Variants in BCAS3 observed in about 807,000 individuals in gnomAD.
The protein encoded by BCAS3 is BCAS4/BCAS3 fusion.
In BCAS3, 53 loss-of-function variants were observed where a neutral mutation model predicts 116.1. The ratio of observed to expected loss-of-function variants is 0.46; its 90% CI spans 0.37 to 0.57. The LOEUF (loss-of-function observed/expected upper bound fraction) is 0.57. Among genes scored for constraint, BCAS3 ranks in the 20% least tolerant of loss-of-function variants. The pLI is 0.00. For missense variants in BCAS3, 917 were observed against 1,165.4 expected (o/e 0.79, Z 3.10); for synonymous variants, 391 against 408.2 (o/e 0.96, Z 0.51).
At chr17:60,742,894 A>C in intron 5 of BCAS3, among the ~76,000 whole-genome samples, 1 of 151,806 alleles carries the variant, frequency 6.6e-6, no homozygotes, top group East Asian at 2.0e-4. Context: ...TGGGCAGATC[A>C]TGAGGTCAGG....
chr17:61,022,877 C>G (rs2065977178), intron 16 of BCAS3, among the ~76,000 whole-genome samples: 2 of 152,130 alleles, frequency 1.3e-5, no homozygotes, highest in African/African-American at 4.8e-5. Context: ...TACGCTCAGT[C>G]TTGCCTTAGC....
chr17:61,206,707 A>G (rs1324336016), intron 22 of BCAS3, among the ~76,000 whole-genome samples: 2 of 149,940 alleles, frequency 1.3e-5, no homozygotes, highest in Admixed American at 1.4e-4. Flanking sequence ...AGGCTGAAGC[A>G]GGAGAATCGC....
intron 5 of BCAS3, chr17:60,727,157 C>A: frequency 1.5e-6 from 1 of 649,410 alleles, no homozygotes; most frequent in Non-Finnish European, 2.5e-6. Flanking sequence ...AGAAAAATAT[C>A]CCAAAGTTTA....
intron 12 of BCAS3, among the ~76,000 whole-genome samples, 174 bp from the exon 13 acceptor site, chr17:60,924,233 A>G (rs9916367): frequency 0.028 from 4,262 of 152,284 alleles, 216 homozygotes; most frequent in African/African-American, 0.098. Flanking sequence ...GGGGCATGTT[A>G]TATCTCTTCC....
Position 61,307,059 on chromosome 17 carries a change from T to C in BCAS3, c.2426-61268T>C, listed in dbSNP as rs2053912340. 6.6e-6 allele frequency among the ~76,000 whole-genome samples: 1 copy of C among 152,224 alleles called. No individual in the cohort carries two copies. Among genetic ancestry groups the C allele is most frequent in the Admixed American group, 6.5e-5 (1 of 15,286 alleles). On this transcript the variant is annotated intron_variant, in intron 22 of 23. Transcript: ENST00000407086. This position sits in a 1 kb window ranked among gnomAD's most constrained non-coding sequence, Gnocchi z 4.7. ...GCTTCTGTGATTCTCTCAAAGGTCT[T>C]TCAGTATTGATCAGGGAGTCATTCC...
In BCAS3 at chr17:61,239,429, A is replaced by AG. The variant is rs2083301000; in HGVS notation, c.2426-128897dup. ...TTTTAATTCAATTTGCAAAGCCTCT[A>AG]GCAGATAGTTCTGAAACCTTTGTGA... On this transcript the variant is annotated intron_variant, in intron 22 of 23. Transcript: ENST00000407086. This position sits in a 1 kb window ranked among gnomAD's most constrained non-coding sequence, Gnocchi z 4.2. Among the ~76,000 whole-genome samples the AG allele has an allele frequency of 6.6e-6, 1 of 152,350 alleles. No individual in the cohort carries two copies. The highest frequency in any genetic ancestry group is 2.4e-5 in the African/African-American group (1 of 41,590).
chr17:60,789,020 C>T (rs756215044), intron 6 of BCAS3, among the ~76,000 whole-genome samples: 8 of 151,950 alleles, frequency 5.3e-5, no homozygotes, highest in Non-Finnish European at 1.2e-4. Flanking sequence ...AAAATGATTT[C>T]AGTAAAATAA....
intron 22 of BCAS3, among the ~76,000 whole-genome samples, chr17:61,135,647 C>T (rs910604618): frequency 6.6e-6 from 1 of 152,246 alleles, no homozygotes; most frequent in Non-Finnish European, 1.5e-5. Context: ...ATGCAGCCCA[C>T]GGGCTAGAAC....
rs78489694 is a variant in BCAS3, at chr17:61,065,993, A to G, written c.2030-8927A>G. 4.1e-3 allele frequency among the ~76,000 whole-genome samples: 625 copies of G among 152,348 alleles called. 21 individuals carry two copies. In the East Asian group the frequency reaches 0.087, roughly 21 times the overall value. ...GCCTATTATCATATTTTAAGTTTCCAACAAAATCTTAAAGCAGGTAACTAT... is the reference window on the plus strand; with the variant it reads ...GCCTATTATCATATTTTAAGTTTCCGACAAAATCTTAAAGCAGGTAACTAT... On this transcript the variant is annotated intron_variant, in intron 19 of 23. Coordinates refer to ENST00000407086, the MANE Select transcript of BCAS3 (RefSeq NM_017679.5). This position sits in a 1 kb window ranked among gnomAD's most constrained non-coding sequence, Gnocchi z 4.8.
At chr17:61,209,897 C>T (rs1037726889) in intron 22 of BCAS3, among the ~76,000 whole-genome samples, 20 of 152,148 alleles carry the variant, frequency 1.3e-4, no homozygotes, top group African/African-American at 3.9e-4. Flanking sequence ...ATCTGTCATC[C>T]GCCCAATATT....
At chr17:60,891,771 C>T (rs1027035804) in intron 10 of BCAS3, 9 of 454,848 alleles carry the variant, frequency 2.0e-5, no homozygotes, top group African/African-American at 1.6e-4. Context: ...AACATTGTAC[C>T]CCATAAGTGA....
At chr17:60,842,746 C>A (rs2052073371) in intron 7 of BCAS3, among the ~76,000 whole-genome samples, 1 of 152,080 alleles carries the variant, frequency 6.6e-6, no homozygotes, top group Non-Finnish European at 1.5e-5. Context: ...CTTCTATCTC[C>A]TTGGATTCCA....
chr17:60,804,146 T>C (rs1414179306), intron 6 of BCAS3, among the ~76,000 whole-genome samples: 1 of 151,558 alleles, frequency 6.6e-6, no homozygotes, highest in Admixed American at 6.6e-5. Flanking sequence ...CGTATATGTA[T>C]GTATACATAT....
rs1290237287 is a variant in BCAS3, at chr17:61,249,888, C to T, written c.2426-118439C>T. On this transcript the variant is annotated intron_variant, in intron 22 of 23. Coordinates refer to ENST00000407086, the MANE Select transcript of BCAS3 (RefSeq NM_017679.5). The surrounding 1 kb of genome is among the most constrained non-coding windows in gnomAD (Gnocchi z 6.2). The stretch of plus-strand genomic sequence containing the variant: ...CCAATCACATTTAAAGCTTTTAAAG[C>T]TCCCTTTTGAGATGATTTCTTAGGG... Among the ~76,000 whole-genome samples the T allele has an allele frequency of 8.5e-5, 13 of 152,258 alleles. No individual in the cohort carries two copies. The highest frequency in any genetic ancestry group is 3.1e-4 in the African/African-American group (13 of 41,558).
At chr17:61,191,213 C>G (rs934288477) in intron 22 of BCAS3, among the ~76,000 whole-genome samples, 8 of 152,188 alleles carry the variant, frequency 5.3e-5, no homozygotes, top group African/African-American at 1.9e-4. Flanking sequence ...CTACAGTGAG[C>G]TCTGATTGCA....
intron 15 of BCAS3, among the ~76,000 whole-genome samples, chr17:61,000,474 G>A (rs764705357): frequency 2.0e-5 from 3 of 151,674 alleles, no homozygotes; most frequent in Non-Finnish European, 4.4e-5. Flanking sequence ...CTGTAAAATT[G>A]GAATAATAAT....
At position 61,083,836 on chromosome 17, in the gene BCAS3, T is replaced by C. The variant is rs1169776541; in HGVS notation, c.2328-631T>C. Among the ~76,000 whole-genome samples, 1 of 152,182 alleles carries C rather than the reference T, an allele frequency of 6.6e-6. No individual in the cohort carries two copies. The highest frequency in any genetic ancestry group is 1.9e-4 in the East Asian group (1 of 5,202). On this transcript the variant is annotated intron_variant, in intron 21 of 23. Transcript: ENST00000407086. This position sits in a 1 kb window ranked among gnomAD's most constrained non-coding sequence, Gnocchi z 4.9. ...GATGTTTATTATTCTTAAGCAACTT[T>C]AAATTGTGTGTAGTAATTTGCACGT...
chr17:61,230,184 A>G (rs2082593496), intron 22 of BCAS3, among the ~76,000 whole-genome samples: 1 of 151,436 alleles, frequency 6.6e-6, no homozygotes, highest in South Asian at 2.1e-4. Context: ...CATAGTGTTG[A>G]TATGTGCATA....
intron 7 of BCAS3, among the ~76,000 whole-genome samples, chr17:60,828,961 G>A (rs2050672891): frequency 6.6e-6 from 1 of 152,010 alleles, no homozygotes; most frequent in Non-Finnish European, 1.5e-5. Flanking sequence ...AGCGTGTAGA[G>A]TCAAAGAACC....
Sources: gnomAD v4.1 joint callset for allele counts (sites outside exome capture counted in the v4.1 genomes callset) on GRCh38, gnomAD v4.1.1 for gene constraint, Gnocchi (gnomAD v3.1) non-coding constraint, MANE v1.5 for transcripts, NCBI Gene and HGNC (gene_info 2026-07-23, HGNC 2026-07-21) for gene names.